The following AGAP6 variants were observed in gnomAD, a reference collection of about 807,000 sequenced individuals.
The protein encoded by AGAP6 is arf-GAP with GTPase, ANK repeat and PH domain-containing protein 6.
AGAP6 carries 29 observed loss-of-function variants against 63.9 expected under a neutral mutation model. The observed-to-expected ratio is 0.45, with a 90% CI of 0.34 to 0.62. AGAP6 has a LOEUF of 0.62. AGAP6 is among the 20% of genes least tolerant of loss of function. The probability of loss-of-function intolerance (pLI) is 0.01; values close to 1 mark genes in which losing one functional copy is unlikely to be tolerated. For missense variants in AGAP6, 493 were observed against 884.9 expected, an observed-to-expected ratio of 0.56 and a Z score of 5.62; for synonymous variants, 199 against 332.9, an observed-to-expected ratio of 0.60 and a Z score of 4.38.
intron 2 of AGAP6, 145 bp downstream of exon 2, chr10:49,989,521 A>G (rs1367252956): frequency 1.5e-5 from 21 of 1,369,788 alleles, no homozygotes; most frequent in Admixed American, 9.7e-5. Context: ...GTACCTATCC[A>G]GATGGTACCT....
At chr10:50,007,970 A>T (rs574899831) in intron 6 of AGAP6, 55 bp from the exon 7 acceptor site, 1 of 1,611,000 alleles carries the variant, frequency 6.2e-7, no homozygotes, top group African/African-American at 1.3e-5. Flanking sequence ...TACTAAACAA[A>T]TATTATACTA....
chr10:50,005,641 T>C (rs186571725), intron 6 of AGAP6, among the ~76,000 whole-genome samples: 2,790 of 150,536 alleles, frequency 0.019, 92 homozygotes, highest in African/African-American at 0.065. Context: ...AATAAGCTGG[T>C]GGGGCGCAGT....
chr10:49,992,467 T>C (rs529137535), intron 3 of AGAP6, among the ~76,000 whole-genome samples: 16 of 152,342 alleles, frequency 1.1e-4, no homozygotes, highest in Admixed American at 4.6e-4. Flanking sequence ...CACGGGAGTT[T>C]GCAACCTTTG....
At chr10:49,996,731 C>T (rs370738539) in intron 4 of AGAP6, among the ~76,000 whole-genome samples, 2 of 145,620 alleles carry the variant, frequency 1.4e-5, no homozygotes, top group African/African-American at 5.1e-5. Context: ...TTGCAACTGA[C>T]CTTGCTGGCT....
chr10:49,990,204 T>C (rs1342526445), intron 2 of AGAP6, among the ~76,000 whole-genome samples: 9 of 152,290 alleles, frequency 5.9e-5, no homozygotes, highest in African/African-American at 1.9e-4. Context: ...TTTGGGAGGC[T>C]GTGGCAGGCA....
chr10:49,992,434 C>T (rs111451326), intron 3 of AGAP6, among the ~76,000 whole-genome samples: 11 of 152,208 alleles, frequency 7.2e-5, no homozygotes, highest in South Asian at 2.1e-4. Flanking sequence ...TAATAATGTG[C>T]GAAGTAATGC....
chr10:50,005,466 C>T (rs1333490768), intron 6 of AGAP6, among the ~76,000 whole-genome samples: 1 of 152,190 alleles, frequency 6.6e-6, no homozygotes, highest in Non-Finnish European at 1.5e-5. Context: ...AAAAACTTAG[C>T]TGGGCGTGGT....
At chr10:50,007,250 G>A (rs1345101123) in intron 6 of AGAP6, among the ~76,000 whole-genome samples, 2 of 141,380 alleles carry the variant, frequency 1.4e-5, no homozygotes, top group Admixed American at 1.4e-4. Context: ...AACTTAGCCA[G>A]GAGTGGTGGC....
intron 4 of AGAP6, among the ~76,000 whole-genome samples, chr10:49,999,097 G>A (rs1377433000): frequency 1.5e-5 from 2 of 136,674 alleles, no homozygotes; most frequent in East Asian, 4.8e-4. Flanking sequence ...AGTTAGCCGG[G>A]TGTGGTGGCG....
chr10:49,989,161 A>G, intron 1 of AGAP6, 147 bp from the exon 2 acceptor site: 2 of 1,439,270 alleles, frequency 1.4e-6, no homozygotes, highest in South Asian at 2.7e-5. Flanking sequence ...CCAATCGCCC[A>G]GTTCTTGCTC....
At chr10:49,995,652 G>T (rs1202163389) in intron 4 of AGAP6, among the ~76,000 whole-genome samples, 2 of 152,074 alleles carry the variant, frequency 1.3e-5, no homozygotes, top group South Asian at 2.1e-4. Context: ...AGTCTTTTGG[G>T]ATCTCACGTA....
rs193062467 is a variant in AGAP6, at chr10:49,988,987, G to A, written c.223+49G>A. The A allele has an allele frequency of 2.9e-5, 47 of 1,600,072 alleles. No homozygotes were observed. The East Asian group carries it at 9.8e-4, about 33-fold the overall frequency. ...TACCCTCGGTTTGCCTCTGGCTGCTGCTGTCCCCATGGTTCCCTTTGAGGC... is the reference window on the plus strand; with the variant it reads ...TACCCTCGGTTTGCCTCTGGCTGCTACTGTCCCCATGGTTCCCTTTGAGGC... On this transcript the variant is annotated intron_variant, in intron 1 of 7. Coordinates refer to ENST00000412531, the MANE Select transcript of AGAP6 (RefSeq NM_001077665.3).
At position 50,008,790 on chromosome 10, in the gene AGAP6, C is replaced by A. The variant is rs1589107998; in HGVS notation, c.665C>A (p.Pro222His). 5 of 1,614,096 alleles carry A rather than the reference C, an allele frequency of 3.1e-6. No individual in the cohort carries two copies. Among genetic ancestry groups the A allele is most frequent in the African/African-American group, 1.3e-5 (1 of 75,020 alleles). Reference protein sequence around the residue: ...NNYSSSIPSTPSTSQEDPQFS... With the variant: ...NNYSSSIPSTHSTSQEDPQFS... ...TATTCCTCCTCCATTCCATCGACTC[C>A]CAGCACCAGCCAGGAGGACCCTCAG... Residue 222 changes from proline (P) to histidine (H), a missense_variant, in exon 8 of 8, where the codon CCC becomes CAC. Physicochemically the swap from Pro to His is moderately conservative, Grantham distance 77. Coordinates refer to ENST00000412531, the MANE Select transcript of AGAP6 (RefSeq NM_001077665.3).
chr10:50,009,459 G>A lies in AGAP6; in HGVS notation c.1334G>A (p.Ser445Asn), dbSNP rs1554865022. 6.2e-7 allele frequency: 1 copy of A among 1,613,478 alleles called. No individual in the cohort carries two copies. The highest frequency in any genetic ancestry group is 1.7e-5 in the Admixed American group (1 of 60,028). The change falls in exon 8 of 8, where the codon AGC becomes AAC. Residue 445 changes from serine to asparagine, a missense_variant. This residue lies in a region of AGAP6 where 7 missense variants were observed against 63.1 expected (regional missense o/e 0.11). Coordinates refer to ENST00000412531, the MANE Select transcript of AGAP6 (RefSeq NM_001077665.3). ...GCCATCCAGAGCCAGATCCTGGCCA[G>A]CCTGCAGTCATGCGAGAGCAGTAAA... ...VQAIQSQILASLQSCESSKSK... is the reference protein window; with the variant it reads ...VQAIQSQILANLQSCESSKSK...
intron 2 of AGAP6, 55 bp from the exon 3 acceptor site, chr10:49,991,621 A>G: frequency 6.3e-7 from 1 of 1,592,886 alleles, no homozygotes; most frequent in Non-Finnish European, 8.5e-7. Flanking sequence ...AAACGAGTTG[A>G]TAAATTTTTA....
rs1282846033 is a variant in AGAP6 at position 50,009,599 on chromosome 10, T to C, written c.1474T>C (p.Leu492=). 4 of 1,613,972 alleles carry C rather than the reference T, an allele frequency of 2.5e-6. No individual in the cohort carries two copies. In the African/African-American group the frequency reaches 5.3e-5, roughly 22 times the overall value. The change falls in exon 8 of 8, where the codon TTG becomes CTG. Residue 492 remains leucine (L), a synonymous_variant. Transcript: ENST00000412531. ...CETQNPKWAS[L]NLGVLMCIEC... Reference sequence around the variant, plus strand: ...GACCCAGAATCCTAAGTGGGCCAGTTTGAACTTGGGAGTCCTCATGTGTAT... The same window carrying C: ...GACCCAGAATCCTAAGTGGGCCAGTCTGAACTTGGGAGTCCTCATGTGTAT...
chr10:49,996,508 TGCCTGGAAAGTAAAAGCAG>T (rs1841492994), intron 4 of AGAP6, among the ~76,000 whole-genome samples: 1 of 151,896 alleles, frequency 6.6e-6, no homozygotes, highest in African/African-American at 2.4e-5. Flanking sequence ...CCCAATTTTC[TGCCTGGAAAGTAAAAGCAG>T]GCCTGGAAAG....
chr10:50,005,065 C>T (rs561433807), intron 6 of AGAP6, among the ~76,000 whole-genome samples: 1 of 152,228 alleles, frequency 6.6e-6, no homozygotes, highest in East Asian at 1.9e-4. Context: ...TTGTGCATTG[C>T]AGAGAGTTTA....
intron 4 of AGAP6, 56 bp from the exon 5 acceptor site, chr10:50,001,940 A>C (rs1841728281): frequency 6.2e-7 from 1 of 1,600,324 alleles, no homozygotes; most frequent in African/African-American, 1.3e-5. Flanking sequence ...TTGACATTTT[A>C]ACTGAGAAAA....
Sources: gnomAD v4.1 joint callset for allele counts (sites outside exome capture counted in the v4.1 genomes callset) on GRCh38, gnomAD v4.1.1 for gene constraint, gnomAD v4.1.1 regional missense constraint, MANE v1.5 for transcripts, NCBI Gene and HGNC (gene_info 2026-07-23, HGNC 2026-07-21) for gene names.